The following CHD7 variants were observed in gnomAD, a reference collection of about 807,000 sequenced individuals.
CHD7 encodes chromodomain helicase DNA binding protein 7, also known as ATP-dependent chromatin remodeler CHD7.
A neutral mutation model predicts 307.3 loss-of-function variants in CHD7; 24 were observed. That is an observed-to-expected ratio of 0.08 (90% CI 0.06 to 0.11). The LOEUF is 0.11. Ranked by LOEUF, CHD7 falls within the 10% of genes least tolerant of loss-of-function variation. The pLI is 1.00. For synonymous variants in CHD7, 1,363 were observed against 1,349.9 expected, an observed-to-expected ratio of 1.01 and a Z score of -0.21; for missense variants, 3,106 against 3,727.1, an observed-to-expected ratio of 0.83 and a Z score of 4.34.
At chr8:60,832,338 T>A (rs748518596) in intron 15 of CHD7, among the ~76,000 whole-genome samples, 4 of 152,170 alleles carry the variant, frequency 2.6e-5, no homozygotes, top group Non-Finnish European at 4.4e-5. Flanking sequence ...GAATTTCTTT[T>A]TGTGCTTTTA....
chr8:60,842,536 G>T (rs1805019743), intron 21 of CHD7, among the ~76,000 whole-genome samples: 1 of 152,098 alleles, frequency 6.6e-6, no homozygotes, highest in African/African-American at 2.4e-5. Context: ...TTTCCTGCTG[G>T]ACTATAAGTT....
At position 60,822,732 on chromosome 8, in the gene CHD7, T is replaced by G; in HGVS notation, c.3187T>G (p.Phe1063Val). Residue 1063 changes from phenylalanine (F) to valine (V), a missense_variant, in exon 12 of 38, where the codon TTC becomes GTC. This residue lies in a region of CHD7 where 232 missense variants were observed against 422.5 expected (regional missense o/e 0.55). Coordinates refer to ENST00000423902, the MANE Select transcript of CHD7 (RefSeq NM_017780.4). ...RRTIQLYEMY[F>V]KDPQGRVIKG... ...GACCATTCAGTTGTATGAAATGTAC[T>G]TCAAAGATCCCCAGGTAAACCTTCA... 6.2e-7 allele frequency: 1 copy of G among 1,607,074 alleles called. No homozygotes were observed. Among genetic ancestry groups the G allele is most frequent in the Non-Finnish European group, 8.5e-7 (1 of 1,174,978 alleles).
Position 60,865,929 on chromosome 8 carries a change from A to G in CHD7, c.8990A>G (p.Glu2997Gly). 6.3e-7 allele frequency: 1 copy of G among 1,596,288 alleles called. No individual in the cohort carries two copies. The highest frequency in any genetic ancestry group is 8.5e-7 in the Non-Finnish European group (1 of 1,171,052). Residue 2997 changes from glutamate to glycine, a missense_variant, in exon 38 of 38, where the codon GAA becomes GGA. By Grantham distance (98) the Glu-to-Gly change is moderately conservative (BLOSUM62 -2). This residue lies in a region of CHD7 where 351 missense variants were observed against 366.2 expected (regional missense o/e 0.96). Transcript: ENST00000423902. This position sits in a 1 kb window ranked among gnomAD's most constrained non-coding sequence, Gnocchi z 4.3. ...GDEIENNEND[E>G] ...GAAATAGAAAACAATGAAAATGATGAATAACCAGTACCAGTTCCAGTTCAA... is the reference window on the plus strand; with the variant it reads ...GAAATAGAAAACAATGAAAATGATGGATAACCAGTACCAGTTCCAGTTCAA...
At chr8:60,711,332 G>T (rs184185621) in intron 1 of CHD7, among the ~76,000 whole-genome samples, 8 of 152,284 alleles carry the variant, frequency 5.3e-5, no homozygotes, top group Middle Eastern at 3.4e-3. Context: ...AGGAGATGAG[G>T]TTATAATGGA....
intron 1 of CHD7, among the ~76,000 whole-genome samples, chr8:60,680,021 C>A (rs1430606026): frequency 1.3e-5 from 2 of 151,452 alleles, no homozygotes; most frequent in African/African-American, 4.8e-5. Context: ...GAGGGGACCC[C>A]ACCTTGTCGA....
chr8:60,778,048 T>C (rs776098033), intron 2 of CHD7, among the ~76,000 whole-genome samples: 15 of 122,142 alleles, frequency 1.2e-4, no homozygotes, highest in Non-Finnish European at 2.1e-4. Flanking sequence ...ATGTCTGCTG[T>C]AAAATTAAAT....
At chr8:60,795,305 G>T (rs1045980298) in intron 4 of CHD7, among the ~76,000 whole-genome samples, 178 bp downstream of exon 4, 1 of 152,122 alleles carries the variant, frequency 6.6e-6, no homozygotes, top group Non-Finnish European at 1.5e-5. Context: ...CGTGGAACAA[G>T]AAATTATACT....
intron 25 of CHD7, among the ~76,000 whole-genome samples, chr8:60,850,074 A>G (rs74618995): frequency 6.6e-6 from 1 of 152,150 alleles, no homozygotes; most frequent in Admixed American, 6.5e-5. Context: ...TCAGCCAGCC[A>G]TGCGAGTTCC....
chr8:60,798,096 TAAG>T (rs1317532795), intron 4 of CHD7, among the ~76,000 whole-genome samples: 1 of 152,214 alleles, frequency 6.6e-6, no homozygotes. Context: ...GGTCACATGA[TAAG>T]AGTCGGGGCA....
intron 1 of CHD7, among the ~76,000 whole-genome samples, chr8:60,708,947 C>G (rs7816621): frequency 0.66 from 100,242 of 151,916 alleles, 35,226 homozygotes; most frequent in East Asian, 0.93. Context: ...TCTTACGATG[C>G]CCTAGTGGCT....
In CHD7 at chr8:60,801,529, A is replaced by C; in HGVS notation, c.2378A>C (p.Glu793Ala). Residue 793 changes from glutamate to alanine, a missense_variant and splice_region_variant, in exon 6 of 38, where the codon GAA (glutamate) becomes GCA (alanine). Transcript: ENST00000423902. ...PSNTSQSEQQ[E>A]SVDAEGPVVE... is the part of the protein sequence containing the mutation. The stretch of plus-strand genomic sequence containing the variant: ...TGATGCACATGCCTTTTTTTTTAGG[A>C]ATCTGTTGATGCAGAAGGCCCAGTG... 2 of 1,567,426 alleles carry C rather than the reference A, an allele frequency of 1.3e-6. No individual in the cohort carries two copies. Among genetic ancestry groups the C allele is most frequent in the South Asian group, 2.4e-5 (2 of 85,020 alleles).
At chr8:60,756,165 A>T (rs1263464894) in intron 2 of CHD7, among the ~76,000 whole-genome samples, 1 of 152,250 alleles carries the variant, frequency 6.6e-6, no homozygotes, top group East Asian at 1.9e-4. Context: ...AGAAAATAAG[A>T]TGTAGAGCAC....
intron 1 of CHD7, among the ~76,000 whole-genome samples, chr8:60,701,572 C>A (rs958351668): frequency 6.6e-6 from 1 of 152,126 alleles, no homozygotes. Context: ...TATCATAGTT[C>A]TTTCTTTTAT....
At chr8:60,821,292 C>A (rs764041206) in intron 9 of CHD7, among the ~76,000 whole-genome samples, 1 of 152,050 alleles carries the variant, frequency 6.6e-6, no homozygotes, top group African/African-American at 2.4e-5. Flanking sequence ...CTAGCTATTT[C>A]TTTATACTTT....
At chr8:60,736,349 CT>C (rs1808709769) in intron 1 of CHD7, among the ~76,000 whole-genome samples, 1 of 152,148 alleles carries the variant, frequency 6.6e-6, no homozygotes, top group Non-Finnish European at 1.5e-5. Context: ...GCTGAAAGGA[CT>C]TTCACTTTGA....
At chr8:60,766,336 A>G (rs569329383) in intron 2 of CHD7, among the ~76,000 whole-genome samples, 1 of 152,366 alleles carries the variant, frequency 6.6e-6, no homozygotes, top group Admixed American at 6.5e-5. Flanking sequence ...AGAGGTCCAT[A>G]TGATTGAGGG....
chr8:60,738,851 C>T (rs1489331565), intron 1 of CHD7, among the ~76,000 whole-genome samples: 1 of 152,004 alleles, frequency 6.6e-6, no homozygotes. Context: ...ATAATGCTGG[C>T]GTTTTTCAAG....
At chr8:60,784,569 C>A (rs1020065638) in intron 3 of CHD7, among the ~76,000 whole-genome samples, 4 of 152,172 alleles carry the variant, frequency 2.6e-5, no homozygotes, top group African/African-American at 9.7e-5. Flanking sequence ...CTTACACTCA[C>A]CATGGTAAAG....
At chr8:60,816,673 C>T (rs1009380185) in intron 8 of CHD7, among the ~76,000 whole-genome samples, 172 bp downstream of exon 8, 13 of 152,294 alleles carry the variant, frequency 8.5e-5, no homozygotes, top group Non-Finnish European at 1.9e-4. Flanking sequence ...ATTTCTCATT[C>T]TTCCTGTTGC....
Sources: allele counts gnomAD v4.1 joint callset (sites outside exome capture counted in the v4.1 genomes callset), GRCh38; gene constraint gnomAD v4.1.1; regional missense constraint gnomAD v4.1.1; non-coding constraint Gnocchi (gnomAD v3.1); transcripts MANE v1.5; gene names NCBI Gene and HGNC (gene_info 2026-07-23, HGNC 2026-07-21).